The following PRPF6 variants were observed in gnomAD, a reference collection of about 807,000 sequenced individuals.
The protein encoded by PRPF6 is pre-mRNA-processing factor 6.
Under a neutral mutation model 118.3 loss-of-function variants are expected in PRPF6, and 42 were observed. The ratio of observed to expected loss-of-function variants is 0.35; its 90% CI spans 0.28 to 0.46. The LOEUF (loss-of-function observed/expected upper bound fraction) is 0.46, where lower values mean the gene tolerates loss of function less well. Among genes scored for constraint, PRPF6 ranks in the 20% least tolerant of loss-of-function variants. PRPF6 has a pLI of 1.00. For missense variants in PRPF6, 662 were observed against 1,255.7 expected, an observed-to-expected ratio of 0.53 and a Z score of 7.15; for synonymous variants, 481 against 485.1, an observed-to-expected ratio of 0.99 and a Z score of 0.11.
At chr20:64,016,157 C>G (rs932757264) in intron 11 of PRPF6, among the ~76,000 whole-genome samples, 1 of 151,534 alleles carries the variant, frequency 6.6e-6, no homozygotes, top group Admixed American at 6.6e-5. Flanking sequence ...AGTCTTGCTC[C>G]GTTGCCCAGG....
At chr20:63,988,992 A>G (rs1352360093) in intron 3 of PRPF6, among the ~76,000 whole-genome samples, 1 of 152,226 alleles carries the variant, frequency 6.6e-6, no homozygotes, top group Admixed American at 6.5e-5. Flanking sequence ...ACTTCAAATT[A>G]TACTACAGAG....
chr20:64,027,663 A>G lies in PRPF6; in HGVS notation c.2266A>G (p.Ile756Val). 1 of 1,614,044 alleles carries G rather than the reference A, an allele frequency of 6.2e-7. No individual in the cohort carries two copies. The highest frequency in any genetic ancestry group is 1.1e-5 in the South Asian group (1 of 91,072). ...TTTGCTCTCTCGGCTGGAGGAGAAGATTGGGCAGCTTACTCGAGCACGGGC... is the reference window on the plus strand; with the variant it reads ...TTTGCTCTCTCGGCTGGAGGAGAAGGTTGGGCAGCTTACTCGAGCACGGGC... ...WLLLSRLEEK[I>V]GQLTRARAIL... Residue 756 changes from isoleucine to valine, a missense_variant, in exon 17 of 21, where the codon ATT becomes GTT. This residue lies in a region of PRPF6 where 244 missense variants were observed against 383.7 expected (regional missense o/e 0.64). Coordinates refer to ENST00000266079, the MANE Select transcript of PRPF6 (RefSeq NM_012469.4). The surrounding 1 kb of genome is among the most constrained non-coding windows in gnomAD (Gnocchi z 6.5).
intron 11 of PRPF6, among the ~76,000 whole-genome samples, chr20:64,013,759 A>G (rs562236975): frequency 3.2e-4 from 48 of 152,302 alleles, no homozygotes; most frequent in African/African-American, 1.1e-3. Flanking sequence ...TTATTAAGCT[A>G]TAACTAGCGT....
intron 1 of PRPF6, among the ~76,000 whole-genome samples, chr20:63,982,294 C>G (rs1292209621): frequency 6.6e-6 from 1 of 152,168 alleles, no homozygotes; most frequent in African/African-American, 2.4e-5. Context: ...GCCTCAGCCT[C>G]CTGAGTAGCT....
Position 64,027,800 on chromosome 20 carries a change from A to G in PRPF6, c.2339+64A>G. ...CTTCCCCATCAGGTGGGCCGCCGTC[A>G]CCCAGCTGCTTGTGTGGAGTCACTC... On this transcript the variant is annotated intron_variant, in intron 17 of 20. Coordinates refer to ENST00000266079, the MANE Select transcript of PRPF6 (RefSeq NM_012469.4). This position sits in a 1 kb window ranked among gnomAD's most constrained non-coding sequence, Gnocchi z 6.5. 4.4e-6 allele frequency: 7 copies of G among 1,604,694 alleles called. No individual in the cohort carries two copies. Among genetic ancestry groups the G allele is most frequent in the African/African-American group, 1.3e-5 (1 of 74,786 alleles).
intron 3 of PRPF6, among the ~76,000 whole-genome samples, chr20:63,988,049 G>C (rs2059102450): frequency 6.6e-6 from 1 of 152,070 alleles, no homozygotes; most frequent in South Asian, 2.1e-4. Flanking sequence ...GCCAGGCGCT[G>C]GGACTCACGC....
In PRPF6 at chr20:64,028,803, G is replaced by A. The variant is rs2059302810; in HGVS notation, c.2431+234G>A. On this transcript the variant is annotated intron_variant, in intron 18 of 20. Transcript: ENST00000266079. This position sits in a 1 kb window ranked among gnomAD's most constrained non-coding sequence, Gnocchi z 6.5. Reference sequence around the variant, plus strand: ...GTTAAGACAACTTAATGAAATTCTTGGCCTCAAAATGGGAGAATTTGATTT... The same window carrying A: ...GTTAAGACAACTTAATGAAATTCTTAGCCTCAAAATGGGAGAATTTGATTT... 2.0e-5 allele frequency among the ~76,000 whole-genome samples: 3 copies of A among 152,156 alleles called. No individual in the cohort carries two copies. The highest frequency in any genetic ancestry group is 7.2e-5 in the African/African-American group (3 of 41,414).
At position 64,011,472 on chromosome 20, in the gene PRPF6, G is replaced by A. The variant is rs767527447; in HGVS notation, c.1493G>A (p.Gly498Asp). The A allele has an allele frequency of 1.9e-6, 3 of 1,613,760 alleles. No individual in the cohort carries two copies. The highest frequency in any genetic ancestry group is 1.7e-5 in the Admixed American group (1 of 60,014). ...GCCATCACCTCGCTGCGGGCCAACGGTGTGGAGATCAACCGTGAGCAGTGG... is the reference window on the plus strand; with the variant it reads ...GCCATCACCTCGCTGCGGGCCAACGATGTGGAGATCAACCGTGAGCAGTGG... ...DRAITSLRAN[G>D]VEINREQWIQ... is the part of the protein sequence containing the mutation. Residue 498 changes from glycine (G) to aspartate (D), a missense_variant, in exon 11 of 21, where the codon GGT becomes GAT. Transcript: ENST00000266079. The surrounding 1 kb of genome is among the most constrained non-coding windows in gnomAD (Gnocchi z 6.7).
At chr20:63,994,537 T>C (rs928779123) in intron 4 of PRPF6, among the ~76,000 whole-genome samples, 1 of 152,154 alleles carries the variant, frequency 6.6e-6, no homozygotes, top group Non-Finnish European at 1.5e-5. Flanking sequence ...CTCAGCACTT[T>C]GGGAGGCTGA....
At chr20:63,995,224 G>A in intron 5 of PRPF6, 103 bp from the exon 6 acceptor site, 1 of 1,574,500 alleles carries the variant, frequency 6.4e-7, no homozygotes, top group South Asian at 1.1e-5. Flanking sequence ...CTGCACAGCT[G>A]TGCATATGTC....
At chr20:63,994,857 A>C in intron 4 of PRPF6, 59 bp from the exon 5 acceptor site, 1 of 1,609,788 alleles carries the variant, frequency 6.2e-7, no homozygotes, top group Non-Finnish European at 8.5e-7. Context: ...GCATGGTCCT[A>C]CCTGGGCACA....
Position 64,022,884 on chromosome 20 carries a change from T to C in PRPF6, c.1769+6T>C. 1 of 1,613,996 alleles carries C rather than the reference T, an allele frequency of 6.2e-7. No individual in the cohort carries two copies. The highest frequency in any genetic ancestry group is 8.5e-7 in the Non-Finnish European group (1 of 1,179,968). ...GAGAAGAACCATGGCACTCGGTATG[T>C]GGTGGGACCCGCCTGCCCAAGGGTG... is the stretch of plus-strand genomic sequence containing the variant. On this transcript the variant is annotated splice_donor_region_variant and intron_variant, in intron 13 of 20. Coordinates refer to ENST00000266079, the MANE Select transcript of PRPF6 (RefSeq NM_012469.4).
At chr20:64,016,974 G>T in intron 12 of PRPF6, 129 bp downstream of exon 12, 1 of 1,315,170 alleles carries the variant, frequency 7.6e-7, no homozygotes, top group South Asian at 1.3e-5. Context: ...ACGGGGTCTT[G>T]CTCTGTCGCC....
Position 63,999,119 on chromosome 20 carries a change from GAC to G in PRPF6, c.851_852del (p.His284ArgfsTer6). On this transcript the variant is annotated frameshift_variant, in exon 7 of 21. Transcript: ENST00000266079. LOFTEE classifies it high-confidence loss of function. ...YLTDLNSMIP[T>X]HGGDINDIKK... ...TGACGGATTTAAATTCCATGATCCC[GAC>G]ACACGGAGGAGACATCAAGTGAGTG... is the stretch of plus-strand genomic sequence containing the variant. The G allele has an allele frequency of 6.2e-7, 1 of 1,613,852 alleles. No individual in the cohort carries two copies. Among genetic ancestry groups the G allele is most frequent in the Non-Finnish European group, 8.5e-7 (1 of 1,179,880 alleles).
intron 11 of PRPF6, among the ~76,000 whole-genome samples, chr20:64,013,948 T>G (rs143350533): frequency 0.021 from 3,179 of 152,148 alleles, 115 homozygotes; most frequent in African/African-American, 0.069. Context: ...TTTTGTTTTT[T>G]TTTTGAGACA....
intron 3 of PRPF6, among the ~76,000 whole-genome samples, chr20:63,986,059 C>T (rs1301589717): frequency 2.0e-5 from 3 of 152,080 alleles, no homozygotes; most frequent in Non-Finnish European, 2.9e-5. Flanking sequence ...ATCGGCTGGG[C>T]GCAGTGGATC....
intron 12 of PRPF6, among the ~76,000 whole-genome samples, 186 bp downstream of exon 12, chr20:64,017,031 C>T (rs2123067176): frequency 6.6e-6 from 1 of 152,282 alleles, no homozygotes; most frequent in Middle Eastern, 3.4e-3. Context: ...CAACCTCCAC[C>T]TCCTGGGTTC....
At chr20:64,000,384 T>A (rs554726610) in intron 8 of PRPF6, among the ~76,000 whole-genome samples, 1 of 146,134 alleles carries the variant, frequency 6.8e-6, no homozygotes, top group African/African-American at 2.5e-5. Flanking sequence ...AGCTATTCGG[T>A]AGGTGGAGGT....
intron 6 of PRPF6, 105 bp downstream of exon 6, chr20:63,995,587 T>TCTCCTCCTC: frequency 1.5e-6 from 2 of 1,296,438 alleles, no homozygotes; most frequent in Non-Finnish European, 2.2e-6. Flanking sequence ...TTCTCCTCCT[T>TCTCCTCCTC]CTCCTCCTCC....
Sources: allele counts gnomAD v4.1 joint callset (sites outside exome capture counted in the v4.1 genomes callset), GRCh38; gene constraint gnomAD v4.1.1; regional missense constraint gnomAD v4.1.1; non-coding constraint Gnocchi (gnomAD v3.1); transcripts MANE v1.5; gene names NCBI Gene and HGNC (gene_info 2026-07-23, HGNC 2026-07-21).